SLC35F4: variants seen among roughly 807,000 people sequenced by gnomAD.
SLC35F4 encodes chromosome 14 open reading frame 36.
In SLC35F4, 24 loss-of-function variants were observed where a neutral mutation model predicts 44.2. The ratio of observed to expected loss-of-function variants is 0.54; its 90% CI spans 0.39 to 0.76. The LOEUF (loss-of-function observed/expected upper bound fraction) is 0.76. Ranked by LOEUF, SLC35F4 falls within the 30% of genes least tolerant of loss-of-function variation. SLC35F4 has a pLI of 0.00. For synonymous variants in SLC35F4, 238 were observed against 223.6 expected (o/e 1.06, Z -0.57); for missense variants, 562 against 586.1 (o/e 0.96, Z 0.42).
chr14:57,655,060 G>C (rs1175238940), intron 1 of SLC35F4, among the ~76,000 whole-genome samples: 1 of 152,042 alleles, frequency 6.6e-6, no homozygotes, highest in South Asian at 2.1e-4. Flanking sequence ...CACCATCTCA[G>C]AATCACCCTG....
chr14:57,956,684 GA>G (rs1477054254), intron 1 of SLC35F4, among the ~76,000 whole-genome samples: 1 of 151,826 alleles, frequency 6.6e-6, no homozygotes, highest in Admixed American at 6.6e-5. Flanking sequence ...ACAAACATAT[GA>G]AAAAAAAGCT....
intron 1 of SLC35F4, among the ~76,000 whole-genome samples, chr14:57,777,853 AGAGACCCATCTCACATGGAAT>A: frequency 6.6e-6 from 1 of 152,146 alleles, no homozygotes; most frequent in Admixed American, 6.5e-5. Context: ...GCCATCTTCC[AGAGACCCATCTCACATGGAAT>A]GACACCCATA....
intron 1 of SLC35F4, among the ~76,000 whole-genome samples, chr14:57,756,505 A>C (rs563319635): frequency 4.5e-4 from 68 of 152,102 alleles, no homozygotes; most frequent in Non-Finnish European, 8.1e-4. Flanking sequence ...GATATGGTCT[A>C]TCTTGGTAAA....
At chr14:57,579,179 A>G (rs971959765) in intron 4 of SLC35F4, among the ~76,000 whole-genome samples, 1 of 152,192 alleles carries the variant, frequency 6.6e-6, no homozygotes, top group Non-Finnish European at 1.5e-5. Context: ...CCCCTTTTCA[A>G]GATCCTTAAG....
intron 1 of SLC35F4, among the ~76,000 whole-genome samples, chr14:57,712,923 C>G (rs987568482): frequency 6.6e-6 from 1 of 152,160 alleles, no homozygotes; most frequent in Non-Finnish European, 1.5e-5. Flanking sequence ...TTTCAGTACC[C>G]GATTGTTCTT....
At chr14:57,901,627 CCTAT>C (rs1310889133) in intron 1 of SLC35F4, among the ~76,000 whole-genome samples, 4 of 152,220 alleles carry the variant, frequency 2.6e-5, no homozygotes, top group African/African-American at 9.6e-5. Flanking sequence ...CACACATTTA[CCTAT>C]CTAACAAACC....
At chr14:57,588,557 C>T (rs1217124770) in intron 3 of SLC35F4, among the ~76,000 whole-genome samples, 8 of 152,268 alleles carry the variant, frequency 5.3e-5, no homozygotes, top group East Asian at 1.9e-4. Flanking sequence ...TTACAGAAGC[C>T]AGATTTAGTA....
chr14:57,665,340 T>C (rs950049069), intron 1 of SLC35F4, among the ~76,000 whole-genome samples: 1 of 152,196 alleles, frequency 6.6e-6, no homozygotes, highest in Non-Finnish European at 1.5e-5. Context: ...CTATTACTTA[T>C]TGTGCTAGGC....
At chr14:57,818,485 C>T (rs1166661406) in intron 1 of SLC35F4, among the ~76,000 whole-genome samples, 1 of 152,116 alleles carries the variant, frequency 6.6e-6, no homozygotes, top group African/African-American at 2.4e-5. Context: ...GAGCTATTGA[C>T]CCTTGTTGCT....
At chr14:57,902,651 A>G (rs984496048) in intron 1 of SLC35F4, among the ~76,000 whole-genome samples, 1 of 152,204 alleles carries the variant, frequency 6.6e-6, no homozygotes, top group Non-Finnish European at 1.5e-5. Flanking sequence ...GAAGAAAAAA[A>G]TCATGTGTAT....
intron 1 of SLC35F4, among the ~76,000 whole-genome samples, chr14:57,907,749 C>T (rs1889131304): frequency 6.6e-6 from 1 of 152,150 alleles, no homozygotes; most frequent in Non-Finnish European, 1.5e-5. Context: ...GTTAGAACTA[C>T]TGTGGGAACC....
At chr14:57,597,287 C>T (rs924700245) in intron 1 of SLC35F4, among the ~76,000 whole-genome samples, 3 of 152,178 alleles carry the variant, frequency 2.0e-5, no homozygotes, top group African/African-American at 4.8e-5. Flanking sequence ...AGATGGTCCC[C>T]TATCCTTCTT....
At chr14:57,888,527 G>A (rs927014717) in intron 1 of SLC35F4, among the ~76,000 whole-genome samples, 6 of 152,150 alleles carry the variant, frequency 3.9e-5, no homozygotes, top group African/African-American at 9.7e-5. Flanking sequence ...AACAATGAAT[G>A]TCAAACAGCA....
chr14:57,813,829 A>T (rs1338722695), intron 1 of SLC35F4, among the ~76,000 whole-genome samples: 1 of 152,146 alleles, frequency 6.6e-6, no homozygotes, highest in African/African-American at 2.4e-5. Flanking sequence ...GCCGCAGGCC[A>T]CACCACAGGA....
At chr14:57,958,094 C>T (rs1890273278) in intron 1 of SLC35F4, among the ~76,000 whole-genome samples, 1 of 150,304 alleles carries the variant, frequency 6.7e-6, no homozygotes. Context: ...CTTGCTCTGT[C>T]GCCCAGGCTG....
chr14:57,794,858 C>G (rs1018411376), intron 1 of SLC35F4, among the ~76,000 whole-genome samples: 1 of 152,066 alleles, frequency 6.6e-6, no homozygotes, highest in Admixed American at 6.6e-5. Context: ...AAAAAACTGA[C>G]CTTTTGAGCA....
intron 1 of SLC35F4, among the ~76,000 whole-genome samples, chr14:57,937,273 G>A (rs754478262): frequency 3.9e-5 from 6 of 151,988 alleles, no homozygotes; most frequent in Admixed American, 1.3e-4. Flanking sequence ...TCTCAATGTC[G>A]GTCAGGCTGG....
chr14:57,587,446 A>G (rs1442232939), intron 3 of SLC35F4, among the ~76,000 whole-genome samples: 1 of 152,130 alleles, frequency 6.6e-6, no homozygotes, highest in Admixed American at 6.5e-5. Flanking sequence ...TGCAGCCATA[A>G]AAAAAGATGA....
intron 1 of SLC35F4, among the ~76,000 whole-genome samples, chr14:57,908,163 G>C (rs892308313): frequency 6.6e-6 from 1 of 152,176 alleles, no homozygotes; most frequent in African/African-American, 2.4e-5. Flanking sequence ...TGGTTTATAA[G>C]TACCACATTT....
Sources: allele counts gnomAD v4.1 joint callset (sites outside exome capture counted in the v4.1 genomes callset), GRCh38; gene constraint gnomAD v4.1.1; transcripts MANE v1.5; gene names NCBI Gene and HGNC (gene_info 2026-07-23, HGNC 2026-07-21).